Variants in PDE1A observed in about 807,000 individuals in gnomAD.
The protein encoded by PDE1A is phosphodiesterase 1A.
PDE1A carries 35 observed loss-of-function variants against 61.7 expected under a neutral mutation model. The observed-to-expected ratio is 0.57, with a 90% CI of 0.43 to 0.75. The LOEUF (loss-of-function observed/expected upper bound fraction) is 0.75. Among genes scored for constraint, PDE1A ranks in the 30% least tolerant of loss-of-function variants. The pLI is 0.00. For missense variants in PDE1A, 597 were observed against 630.6 expected (o/e 0.95, Z 0.57); for synonymous variants, 232 against 213.2 (o/e 1.09, Z -0.77).
intron 1 of PDE1A, among the ~76,000 whole-genome samples, chr2:182,269,052 G>T (rs1026743218): frequency 6.6e-6 from 1 of 151,954 alleles, no homozygotes; most frequent in African/African-American, 2.4e-5. Flanking sequence ...AGACAAAAAT[G>T]TTGATTGTTA....
At chr2:182,606,861 G>A in the PDE1A span, among the ~76,000 whole-genome samples, 23 of 152,158 alleles carry the variant, frequency 1.5e-4, no homozygotes, top group Non-Finnish European at 2.9e-4. Context: ...GTACAAAGGT[G>A]TCACCAAAAT....
chr2:182,624,101 G>C, the PDE1A span, among the ~76,000 whole-genome samples: 1 of 150,212 alleles, frequency 6.7e-6, no homozygotes, highest in African/African-American at 2.5e-5. Context: ...CTCCAGCCTG[G>C]GGGACAGAGC....
chr2:182,439,334 G>A (rs1459944860), intron 2 of PDE1A, among the ~76,000 whole-genome samples: 1 of 151,886 alleles, frequency 6.6e-6, no homozygotes, highest in Non-Finnish European at 1.5e-5. Context: ...GAGGGGAGTT[G>A]CATAAATATA....
chr2:182,375,420 C>T (rs1205272187), intron 1 of PDE1A, among the ~76,000 whole-genome samples: 3 of 152,050 alleles, frequency 2.0e-5, no homozygotes, highest in Non-Finnish European at 4.4e-5. Flanking sequence ...TGAAATCTTC[C>T]AGGACAGTCA....
chr2:182,590,705 T>C, the PDE1A span, among the ~76,000 whole-genome samples: 2 of 152,204 alleles, frequency 1.3e-5, no homozygotes, highest in African/African-American at 2.4e-5. Flanking sequence ...GATGAACGAC[T>C]ACCCCAGATA....
Position 182,255,659 on chromosome 2 carries a change from CT to C in PDE1A, c.167+8641del, listed in dbSNP as rs1303654382. On this transcript the variant is annotated intron_variant, in intron 2 of 13. Coordinates refer to ENST00000351439, the Ensembl canonical transcript of PDE1A. Reference sequence around the variant, plus strand: ...ACTTTTTCTTTTCTTTCTTTCTTTTCTTTTTTTTTTTTTTTTGAGACAGAGT... The same window carrying C: ...ACTTTTTCTTTTCTTTCTTTCTTTTCTTTTTTTTTTTTTTTGAGACAGAGT... Among the ~76,000 whole-genome samples, 181 of 133,544 alleles carry C rather than the reference CT, an allele frequency of 1.4e-3. No homozygotes were observed. In the Middle Eastern group the frequency reaches 0.016, roughly 12 times the overall value. 87.6% of individuals were successfully genotyped at this position (133,544 alleles called of 152,430 possible). A position where few individuals can be genotyped will look rare whatever the true frequency, so the allele number is the denominator to read the frequency against.
intron 2 of PDE1A, among the ~76,000 whole-genome samples, chr2:182,516,743 A>AGGAAGGAAGGAAGGAAGG (rs57365248): frequency 8.2e-6 from 1 of 121,702 alleles, no homozygotes; most frequent in Admixed American, 8.2e-5. Context: ...GAAGGAAGGA[A>AGGAAGGAAGGAAGGAAGG]AAAGAGAGAA....
the PDE1A span, among the ~76,000 whole-genome samples, chr2:182,588,620 G>C: frequency 7.9e-5 from 12 of 152,080 alleles, no homozygotes; most frequent in Non-Finnish European, 1.3e-4. Flanking sequence ...TTTCTAAGTG[G>C]TCATATCTGA....
chr2:182,221,418 C>G (rs1688718215), intron 7 of PDE1A, among the ~76,000 whole-genome samples: 1 of 152,050 alleles, frequency 6.6e-6, no homozygotes, highest in Admixed American at 6.6e-5. Flanking sequence ...ATGTAGAGAG[C>G]CTTTGTTAAG....
the PDE1A span, among the ~76,000 whole-genome samples, chr2:182,686,711 T>C: frequency 6.6e-6 from 1 of 152,176 alleles, no homozygotes; most frequent in Non-Finnish European, 1.5e-5. Flanking sequence ...GCACCGAGCA[T>C]GAGCCAAAGC....
At chr2:182,497,968 C>T (rs1003665749) in intron 2 of PDE1A, among the ~76,000 whole-genome samples, 2 of 148,238 alleles carry the variant, frequency 1.3e-5, no homozygotes, top group African/African-American at 2.5e-5. Context: ...ATGGCGTGAA[C>T]CCAGGAGGCA....
chr2:182,280,771 T>G (rs567145044), intron 1 of PDE1A, among the ~76,000 whole-genome samples: 1 of 151,804 alleles, frequency 6.6e-6, no homozygotes, highest in East Asian at 1.9e-4. Flanking sequence ...GGTTTCAAGC[T>G]GGAAAAAAAA....
At chr2:182,276,794 T>G (rs1369505986) in intron 1 of PDE1A, among the ~76,000 whole-genome samples, 1 of 151,942 alleles carries the variant, frequency 6.6e-6, no homozygotes, top group African/African-American at 2.4e-5. Flanking sequence ...TATTAATAAT[T>G]AAGACCCTGG....
At position 182,249,389 on chromosome 2, in the gene PDE1A, G is replaced by A. The variant is rs964756; in HGVS notation, c.168-9097C>T. Among the ~76,000 whole-genome samples, 602 of 152,290 alleles carry A rather than the reference G, an allele frequency of 4.0e-3. 7 individuals are homozygous for A. Among genetic ancestry groups the A allele is most frequent in the African/African-American group, 0.014 (586 of 41,562 alleles). On this transcript the variant is annotated intron_variant, in intron 2 of 13. Transcript: ENST00000351439. Reference sequence around the variant, plus strand: ...GAATTCCAGGGTCCTACAGTATCTGGAGGGGGAAGAGGGCCATGAGCTTCA... The same window carrying A: ...GAATTCCAGGGTCCTACAGTATCTGAAGGGGGAAGAGGGCCATGAGCTTCA...
the PDE1A span, among the ~76,000 whole-genome samples, chr2:182,686,321 A>T: frequency 6.6e-6 from 1 of 152,152 alleles, no homozygotes; most frequent in Admixed American, 6.5e-5. Flanking sequence ...GCAAAAAAGT[A>T]CTTGTTTATG....
intron 2 of PDE1A, among the ~76,000 whole-genome samples, chr2:182,473,448 C>A (rs1687161088): frequency 6.6e-6 from 1 of 151,738 alleles, no homozygotes; most frequent in Admixed American, 6.6e-5. Flanking sequence ...AACAAACAAC[C>A]CCATCAAAAA....
At chr2:182,558,506 A>AGCCATAATGGCCTTTAATCTATG in the PDE1A span, among the ~76,000 whole-genome samples, 1 of 152,212 alleles carries the variant, frequency 6.6e-6, no homozygotes, top group Non-Finnish European at 1.5e-5. Context: ...AATATGCTAC[A>AGCCATAATGGCCTTTAATCTATG]GCCATAATGG....
chr2:182,572,728 G>C, the PDE1A span, among the ~76,000 whole-genome samples: 1 of 151,936 alleles, frequency 6.6e-6, no homozygotes, highest in Non-Finnish European at 1.5e-5. Flanking sequence ...AAATTAGCCG[G>C]ACATGGTGGT....
At chr2:182,226,012 G>C (rs1422874881) in intron 6 of PDE1A, among the ~76,000 whole-genome samples, 2 of 149,642 alleles carry the variant, frequency 1.3e-5, no homozygotes, top group Non-Finnish European at 2.9e-5. Context: ...TGAAACTATG[G>C]AACTAAACAC....
Sources: gnomAD v4.1 joint callset for allele counts (sites outside exome capture counted in the v4.1 genomes callset) on GRCh38, gnomAD v4.1.1 for gene constraint, MANE v1.5 for transcripts, NCBI Gene and HGNC (gene_info 2026-07-23, HGNC 2026-07-21) for gene names.